The following EDIL3 variants were observed in gnomAD, a reference collection of about 807,000 sequenced individuals.
The protein encoded by EDIL3 is EGF-like repeat and discoidin I-like domain-containing protein 3.
A neutral mutation model predicts 67.4 loss-of-function variants in EDIL3; 37 were observed. That is an observed-to-expected ratio of 0.55 (90% confidence interval 0.42 to 0.72). The LOEUF (loss-of-function observed/expected upper bound fraction) is 0.72, where lower values mean the gene tolerates loss of function less well. Ranked by LOEUF, EDIL3 falls within the 30% of genes least tolerant of loss-of-function variation. EDIL3 has a pLI of 0.00. For synonymous variants in EDIL3, 195 were observed against 196.3 expected (o/e 0.99, Z 0.05); for missense variants, 527 against 586.3 (o/e 0.90, Z 1.04).
chr5:84,186,859 A>G (rs1417067143), intron 3 of EDIL3, among the ~76,000 whole-genome samples: 1 of 152,128 alleles, frequency 6.6e-6, no homozygotes, highest in Non-Finnish European at 1.5e-5. Flanking sequence ...ATAGAAGACA[A>G]GGGCAATCTC....
intron 3 of EDIL3, among the ~76,000 whole-genome samples, chr5:84,222,039 G>C (rs915145069): frequency 6.6e-6 from 1 of 151,810 alleles, no homozygotes; most frequent in Admixed American, 6.6e-5. Context: ...AGCATAGTCA[G>C]CCATGCAGAA....
intron 9 of EDIL3, among the ~76,000 whole-genome samples, chr5:84,049,122 T>C (rs1561414392): frequency 1.3e-5 from 2 of 152,158 alleles, no homozygotes; most frequent in African/African-American, 2.4e-5. Flanking sequence ...TACTACTGGG[T>C]AAAGAAGCTG....
intron 1 of EDIL3, among the ~76,000 whole-genome samples, chr5:84,330,242 A>G (rs1201354916): frequency 1.3e-5 from 2 of 152,182 alleles, no homozygotes; most frequent in Non-Finnish European, 1.5e-5. Flanking sequence ...CAATGTAAAG[A>G]GAAAAGGTTT....
chr5:84,243,927 T>C (rs1744848222), intron 2 of EDIL3, among the ~76,000 whole-genome samples: 1 of 152,234 alleles, frequency 6.6e-6, no homozygotes, highest in Admixed American at 6.5e-5. Context: ...CCATGTACTT[T>C]AAGCATATGG....
At chr5:84,123,996 C>T (rs55746147) in intron 5 of EDIL3, among the ~76,000 whole-genome samples, 4,831 of 152,006 alleles carry the variant, frequency 0.032, 240 homozygotes, top group African/African-American at 0.11. Context: ...TGTTTATCTG[C>T]TTCCCAATTT....
chr5:84,018,808 T>A (rs899452877), intron 9 of EDIL3, among the ~76,000 whole-genome samples: 3 of 152,144 alleles, frequency 2.0e-5, no homozygotes, highest in African/African-American at 7.2e-5. Flanking sequence ...TCATCATCAC[T>A]GGCCATCAGA....
At chr5:84,082,688 A>G (rs1354160640) in intron 6 of EDIL3, among the ~76,000 whole-genome samples, 1 of 152,256 alleles carries the variant, frequency 6.6e-6, no homozygotes, top group East Asian at 1.9e-4. Context: ...ATTGAAATAC[A>G]TTAACATATG....
At chr5:84,112,192 T>C (rs1747576887) in intron 5 of EDIL3, among the ~76,000 whole-genome samples, 1 of 152,186 alleles carries the variant, frequency 6.6e-6, no homozygotes, top group Admixed American at 6.5e-5. Flanking sequence ...CACATTTTCA[T>C]TTAATTTAGA....
At chr5:84,280,947 C>CAAAAAAAAAAAAAA (rs11302104) in intron 1 of EDIL3, among the ~76,000 whole-genome samples, 1 of 70,198 alleles carries the variant, frequency 1.4e-5, no homozygotes, top group Non-Finnish European at 2.5e-5. Context: ...AAGACTCTGT[C>CAAAAAAAAAAAAAA]AAAAAAAAAA....
chr5:84,055,591 A>T (rs1460736476), intron 9 of EDIL3, among the ~76,000 whole-genome samples: 2 of 152,006 alleles, frequency 1.3e-5, no homozygotes, highest in Non-Finnish European at 2.9e-5. Flanking sequence ...GAATCTACAA[A>T]GAACTCAAAC....
intron 5 of EDIL3, among the ~76,000 whole-genome samples, chr5:84,117,114 G>A (rs1747684001): frequency 1.5e-5 from 2 of 132,858 alleles, no homozygotes; most frequent in Non-Finnish European, 3.1e-5. Context: ...TGCAAGCTCC[G>A]CCTCCCGGGT....
At chr5:84,279,456 C>T (rs1487596374) in intron 1 of EDIL3, among the ~76,000 whole-genome samples, 1 of 152,106 alleles carries the variant, frequency 6.6e-6, no homozygotes, top group Non-Finnish European at 1.5e-5. Flanking sequence ...ATAGTACTTA[C>T]CAAGATTGTA....
At position 84,132,319 on chromosome 5, in the gene EDIL3, T is replaced by TA. The variant is rs575002993; in HGVS notation, c.469+4921dup. 8.0e-3 allele frequency among the ~76,000 whole-genome samples: 677 copies of TA among 85,082 alleles called. 13 individuals are homozygous for TA. The highest frequency in any genetic ancestry group is 0.031 in the African/African-American group (648 of 20,962). 55.8% of individuals were successfully genotyped at this position (85,082 alleles called of 152,430 possible). On this transcript the variant is annotated intron_variant, in intron 5 of 10. Coordinates refer to ENST00000296591, the MANE Select transcript of EDIL3 (RefSeq NM_005711.5). ...TTTTATATATAATATATATTATATA[T>TA]ATTTTATATAATATATATTATATAT...
intron 6 of EDIL3, among the ~76,000 whole-genome samples, chr5:84,093,469 G>T (rs1029789316): frequency 1.3e-5 from 2 of 152,138 alleles, no homozygotes; most frequent in African/African-American, 4.8e-5. Context: ...TTACTTCACA[G>T]AGAAGGGAAT....
intron 1 of EDIL3, among the ~76,000 whole-genome samples, chr5:84,287,100 C>T (rs1745821270): frequency 1.3e-5 from 2 of 152,204 alleles, no homozygotes; most frequent in Admixed American, 6.5e-5. Context: ...GATGCAGAGA[C>T]TCTGGGTTGG....
At chr5:84,163,465 A>G (rs1468423161) in intron 4 of EDIL3, among the ~76,000 whole-genome samples, 1 of 152,136 alleles carries the variant, frequency 6.6e-6, no homozygotes, top group Admixed American at 6.6e-5. Context: ...CTTTAAGGAA[A>G]TAAGGTAATT....
rs141229198 is a variant in EDIL3, at chr5:84,031,406, T to C, written c.1137+28894A>G. Among the ~76,000 whole-genome samples the C allele has an allele frequency of 5.9e-3, 897 of 152,302 alleles. 12 individuals are homozygous for C. Among genetic ancestry groups the C allele is most frequent in the African/African-American group, 0.021 (861 of 41,566 alleles). On this transcript the variant is annotated intron_variant, in intron 9 of 10. Coordinates refer to ENST00000296591, the MANE Select transcript of EDIL3 (RefSeq NM_005711.5). ...GATAATAATTTTTTACTTTAGAAAA[T>C]TGTATTTTCAGACAAATTTTGGATA...
intron 9 of EDIL3, among the ~76,000 whole-genome samples, chr5:83,990,871 C>T (rs554012810): frequency 7.0e-6 from 1 of 142,664 alleles, no homozygotes; most frequent in East Asian, 2.1e-4. Flanking sequence ...CAGAGAAAGA[C>T]TCTGTCTCAA....
chr5:84,294,554 A>G (rs1312378340), intron 1 of EDIL3, among the ~76,000 whole-genome samples: 1 of 151,888 alleles, frequency 6.6e-6, no homozygotes, highest in Non-Finnish European at 1.5e-5. Context: ...ATATGTGCAT[A>G]CATATATACA....
Sources: gnomAD v4.1 joint callset for allele counts (sites outside exome capture counted in the v4.1 genomes callset) on GRCh38, gnomAD v4.1.1 for gene constraint, MANE v1.5 for transcripts, NCBI Gene and HGNC (gene_info 2026-07-23, HGNC 2026-07-21) for gene names.